ERGIC1: variants seen among roughly 807,000 people sequenced by gnomAD.
The protein encoded by ERGIC1 is endoplasmic reticulum-golgi intermediate compartment 1.
In ERGIC1, 19 loss-of-function variants were observed where a neutral mutation model predicts 38.3. That is an observed-to-expected ratio of 0.50 (90% CI 0.35 to 0.73). ERGIC1 has a LOEUF of 0.73. Among genes scored for constraint, ERGIC1 ranks in the 30% least tolerant of loss-of-function variants. The pLI is 0.01. For synonymous variants in ERGIC1, 124 were observed against 157.6 expected (o/e 0.79, Z 1.60); for missense variants, 294 against 389.2 (o/e 0.76, Z 2.06).
intron 9 of ERGIC1, among the ~76,000 whole-genome samples, chr5:172,940,431 C>T (rs1420507923): frequency 1.3e-5 from 2 of 152,216 alleles, no homozygotes; most frequent in Non-Finnish European, 2.9e-5. Flanking sequence ...CTCCCACACA[C>T]ACATTTGTCC....
chr5:172,868,242 T>C (rs1357186638), intron 1 of ERGIC1, among the ~76,000 whole-genome samples: 1 of 152,140 alleles, frequency 6.6e-6, no homozygotes, highest in African/African-American at 2.4e-5. Flanking sequence ...ACACTGGCGG[T>C]TCAGAGAAAA....
chr5:172,880,987 G>A (rs13163705), intron 1 of ERGIC1, among the ~76,000 whole-genome samples: 29,989 of 152,192 alleles, frequency 0.2, 3,391 homozygotes, highest in East Asian at 0.3. Flanking sequence ...GGTGGCTCAC[G>A]CCTGTAATCC....
Position 172,931,506 on chromosome 5 carries a change from C to T in ERGIC1, c.542-930C>T, listed in dbSNP as rs1763773878. 2.0e-5 allele frequency among the ~76,000 whole-genome samples: 3 copies of T among 152,246 alleles called. No homozygotes were observed. The South Asian group carries it at 6.2e-4, about 31-fold the overall frequency. On this transcript the variant is annotated intron_variant, in intron 7 of 9. Coordinates refer to ENST00000393784, the MANE Select transcript of ERGIC1 (RefSeq NM_001031711.3). ...GCTCCCCCATCCAGGAAGAACTGATCTGCCGTTGATTTCTTTCCCCATTCT... is the reference window on the plus strand; with the variant it reads ...GCTCCCCCATCCAGGAAGAACTGATTTGCCGTTGATTTCTTTCCCCATTCT...
chr5:172,922,876 T>C (rs980274969), intron 5 of ERGIC1, among the ~76,000 whole-genome samples: 1 of 152,168 alleles, frequency 6.6e-6, no homozygotes, highest in Non-Finnish European at 1.5e-5. Context: ...GTGGGGAACA[T>C]GGAAGCTGGG....
rs1763264025 is a variant in ERGIC1 at position 172,913,526 on chromosome 5, T to TA, written c.251-1187dup. 2.6e-5 allele frequency among the ~76,000 whole-genome samples: 4 copies of TA among 152,374 alleles called. No homozygotes were observed. In the South Asian group the frequency reaches 8.3e-4, roughly 32 times the overall value. ...TCCCTTCTATGGCTGGATCCTCACT[T>TA]ACTTCTCTGTCCTCATCGAGGAACA... On this transcript the variant is annotated intron_variant, in intron 4 of 9. Coordinates refer to ENST00000393784, the MANE Select transcript of ERGIC1 (RefSeq NM_001031711.3).
chr5:172,859,479 T>G (rs1029702510), intron 1 of ERGIC1, among the ~76,000 whole-genome samples: 1 of 139,634 alleles, frequency 7.2e-6, no homozygotes, highest in Non-Finnish European at 1.7e-5. Flanking sequence ...GCTTCCAGAC[T>G]GAAGGGTGGG....
At chr5:172,855,577 G>A (rs554058978) in intron 1 of ERGIC1, among the ~76,000 whole-genome samples, 40 of 152,200 alleles carry the variant, frequency 2.6e-4, no homozygotes, top group Non-Finnish European at 5.0e-4. Context: ...GAATATCCAG[G>A]GAACTCTGGG....
chr5:172,894,872 T>C (rs1762686676), intron 2 of ERGIC1, among the ~76,000 whole-genome samples: 1 of 152,270 alleles, frequency 6.6e-6, no homozygotes, highest in South Asian at 2.1e-4. Context: ...TCGGAATGCA[T>C]CTTTGGCTGT....
At chr5:172,861,945 T>G (rs575765027) in intron 1 of ERGIC1, among the ~76,000 whole-genome samples, 49 of 152,288 alleles carry the variant, frequency 3.2e-4, no homozygotes, top group African/African-American at 1.1e-3. Flanking sequence ...ACTGGAAAGT[T>G]TAGAAATTCC....
chr5:172,859,848 C>G (rs1204004354), intron 1 of ERGIC1, among the ~76,000 whole-genome samples: 1 of 152,228 alleles, frequency 6.6e-6, no homozygotes, highest in Non-Finnish European at 1.5e-5. Flanking sequence ...TCTCTAACTC[C>G]AAACTCCACA....
chr5:172,855,090 G>A (rs1761511166), intron 1 of ERGIC1, among the ~76,000 whole-genome samples: 1 of 152,186 alleles, frequency 6.6e-6, no homozygotes. Context: ...TACCTGGGCT[G>A]TGTTCCCCCA....
intron 1 of ERGIC1, among the ~76,000 whole-genome samples, chr5:172,836,765 A>G (rs1430380408): frequency 2.0e-5 from 3 of 152,194 alleles, no homozygotes; most frequent in Non-Finnish European, 4.4e-5. Flanking sequence ...ATGGGGTCCC[A>G]GGAGTGGGGG....
chr5:172,863,498 TTGGGC>T (rs1417511322), intron 1 of ERGIC1, among the ~76,000 whole-genome samples: 1 of 152,134 alleles, frequency 6.6e-6, no homozygotes, highest in Non-Finnish European at 1.5e-5. Flanking sequence ...CAAAGGACCC[TTGGGC>T]GCGATCAGCC....
intron 9 of ERGIC1, among the ~76,000 whole-genome samples, chr5:172,940,405 C>T (rs1388412909): frequency 6.6e-6 from 1 of 152,154 alleles, no homozygotes; most frequent in Non-Finnish European, 1.5e-5. Flanking sequence ...CAAGTAATCC[C>T]CTCCAAAGTG....
At chr5:172,883,204 C>T (rs1397663201) in intron 1 of ERGIC1, among the ~76,000 whole-genome samples, 1 of 152,086 alleles carries the variant, frequency 6.6e-6, no homozygotes, top group Non-Finnish European at 1.5e-5. Context: ...AAAAATAGTA[C>T]AGAGTTCCTG....
rs193271290 is a variant in ERGIC1 at position 172,912,608 on chromosome 5, C to G, written c.251-2106C>G. On this transcript the variant is annotated intron_variant, in intron 4 of 9. Transcript: ENST00000393784. ...TTCACTACTTTGGCCAGGTTGGTCTCAAACTCCTGACCTTGTGATCCACCC... is the reference window on the plus strand; with the variant it reads ...TTCACTACTTTGGCCAGGTTGGTCTGAAACTCCTGACCTTGTGATCCACCC... Among the ~76,000 whole-genome samples the G allele has an allele frequency of 2.2e-3, 333 of 152,080 alleles. 1 individual carries two copies. The highest frequency in any genetic ancestry group is 3.6e-3 in the Non-Finnish European group (247 of 67,992).
intron 5 of ERGIC1, chr5:172,920,389 G>A (rs1433191235): frequency 1.4e-6 from 1 of 717,980 alleles, no homozygotes; most frequent in East Asian, 2.7e-5. Context: ...CCAGATGTCA[G>A]AGTTTGCGTG....
At position 172,926,677 on chromosome 5, in the gene ERGIC1, G is replaced by T. The variant is rs1763658941; in HGVS notation, c.541+108G>T. On this transcript the variant is annotated intron_variant, in intron 7 of 9. Coordinates refer to ENST00000393784, the MANE Select transcript of ERGIC1 (RefSeq NM_001031711.3). The surrounding 1 kb of genome is among the most constrained non-coding windows in gnomAD (Gnocchi z 5.2). The stretch of plus-strand genomic sequence containing the variant: ...GTGCCTGTCCAGCACCCACTCCAAG[G>T]CAGGGAGGCTGCTGCTCACACTCCA... 2.4e-6 allele frequency: 3 copies of T among 1,251,520 alleles called. No homozygotes were observed. Among genetic ancestry groups the T allele is most frequent in the East Asian group, 2.3e-5 (1 of 42,630 alleles). 77.5% of individuals were successfully genotyped at this position (1,251,520 alleles called of 1,614,324 possible).
intron 1 of ERGIC1, among the ~76,000 whole-genome samples, chr5:172,847,971 C>T (rs58416015): frequency 0.1 from 15,463 of 152,220 alleles, 1,178 homozygotes; most frequent in African/African-American, 0.21. Context: ...TTGGTTCTCA[C>T]GAGCATCTGG....
Sources: allele counts gnomAD v4.1 joint callset (sites outside exome capture counted in the v4.1 genomes callset), GRCh38; gene constraint gnomAD v4.1.1; non-coding constraint Gnocchi (gnomAD v3.1); transcripts MANE v1.5; gene names NCBI Gene and HGNC (gene_info 2026-07-23, HGNC 2026-07-21).